TBCEL: variants seen among roughly 807,000 people sequenced by gnomAD.
TBCEL encodes the protein tubulin folding cofactor E like.
A neutral mutation model predicts 44.2 loss-of-function variants in TBCEL; 15 were observed. The ratio of observed to expected loss-of-function variants is 0.34; its 90% CI spans 0.23 to 0.52. The LOEUF is 0.52. Ranked by LOEUF, TBCEL falls within the 20% of genes least tolerant of loss-of-function variation. The pLI, the probability that TBCEL is intolerant of heterozygous loss-of-function variation, is 0.95. For synonymous variants in TBCEL, 171 were observed against 185.4 expected, an observed-to-expected ratio of 0.92 and a Z score of 0.63; for missense variants, 319 against 506.3, an observed-to-expected ratio of 0.63 and a Z score of 3.55.
intron 8 of TBCEL, among the ~76,000 whole-genome samples, chr11:121,065,546 C>G (rs1945804936): frequency 6.6e-6 from 1 of 152,150 alleles, no homozygotes; most frequent in Non-Finnish European, 1.5e-5. Flanking sequence ...AGCATCAAAC[C>G]CTGTGCATTT....
At chr11:121,085,727 C>T (rs1267421585) in intron 8 of TBCEL, among the ~76,000 whole-genome samples, 2 of 152,032 alleles carry the variant, frequency 1.3e-5, no homozygotes, top group Non-Finnish European at 2.9e-5. Flanking sequence ...ATGCTGGTCA[C>T]ACTCCTGGGC....
At chr11:121,047,271 A>T (rs1015208926) in intron 3 of TBCEL, among the ~76,000 whole-genome samples, 1 of 152,008 alleles carries the variant, frequency 6.6e-6, no homozygotes, top group African/African-American at 2.4e-5. Context: ...TGAGATAAAC[A>T]ATCCTGCTAT....
At chr11:121,047,166 T>C (rs1006722745) in intron 3 of TBCEL, among the ~76,000 whole-genome samples, 3 of 152,070 alleles carry the variant, frequency 2.0e-5, no homozygotes, top group Non-Finnish European at 4.4e-5. Flanking sequence ...AATTGAGGCC[T>C]ATAAGAAAGT....
At chr11:121,024,974 C>T (rs1180302309) in intron 1 of TBCEL, among the ~76,000 whole-genome samples, 1 of 152,126 alleles carries the variant, frequency 6.6e-6, no homozygotes, top group Non-Finnish European at 1.5e-5. Context: ...CTGTGTGGAG[C>T]TTCTCTGTTG....
At chr11:121,085,699 G>T (rs1360205948) in intron 8 of TBCEL, among the ~76,000 whole-genome samples, 1 of 151,894 alleles carries the variant, frequency 6.6e-6, no homozygotes, top group East Asian at 1.9e-4. Context: ...TAAGAGGTGA[G>T]GTCTTGCTAT....
At chr11:121,066,271 ATC>A (rs1355287653) in intron 8 of TBCEL, among the ~76,000 whole-genome samples, 1 of 152,170 alleles carries the variant, frequency 6.6e-6, no homozygotes, top group Non-Finnish European at 1.5e-5. Flanking sequence ...CTTGTGAATA[ATC>A]TCTGTTAGAC....
At chr11:121,078,903 C>CGA (rs1946077245) in intron 8 of TBCEL, among the ~76,000 whole-genome samples, 1 of 152,258 alleles carries the variant, frequency 6.6e-6, no homozygotes, top group South Asian at 2.1e-4. Flanking sequence ...AATTTTTACT[C>CGA]TATGTTTGGA....
intron 1 of TBCEL, among the ~76,000 whole-genome samples, chr11:121,028,616 A>T (rs1182775402): frequency 6.6e-6 from 1 of 152,224 alleles, no homozygotes; most frequent in Non-Finnish European, 1.5e-5. Flanking sequence ...TACATATAAA[A>T]CAACACAGTA....
At chr11:121,081,906 C>T (rs1946133253) in intron 8 of TBCEL, among the ~76,000 whole-genome samples, 1 of 152,172 alleles carries the variant, frequency 6.6e-6, no homozygotes, top group South Asian at 2.1e-4. Context: ...GAATATTTCT[C>T]AGAGCCCACA....
intron 8 of TBCEL, among the ~76,000 whole-genome samples, chr11:121,079,853 C>T (rs1946093491): frequency 6.6e-6 from 1 of 152,164 alleles, no homozygotes; most frequent in African/African-American, 2.4e-5. Context: ...CTCACTCTGT[C>T]ACCCAGGCTG....
chr11:121,024,879 T>A (rs1945018473), intron 1 of TBCEL, among the ~76,000 whole-genome samples: 1 of 152,104 alleles, frequency 6.6e-6, no homozygotes. Flanking sequence ...GAGAAAAGAT[T>A]TGCCCCAAGG....
intron 6 of TBCEL, among the ~76,000 whole-genome samples, chr11:121,055,626 T>C (rs185575989): frequency 2.6e-5 from 4 of 151,974 alleles, no homozygotes; most frequent in Admixed American, 2.6e-4. Context: ...AATTACAAAA[T>C]AGACCATTTT....
At chr11:121,045,895 G>T in intron 3 of TBCEL, 72 bp downstream of exon 3, 1 of 1,373,112 alleles carries the variant, frequency 7.3e-7, no homozygotes, top group Non-Finnish European at 9.6e-7. Context: ...GTGTTGCCTT[G>T]TTTGCAAATG....
chr11:121,028,638 A>G (rs1945087243), intron 1 of TBCEL, among the ~76,000 whole-genome samples: 1 of 152,250 alleles, frequency 6.6e-6, no homozygotes, highest in African/African-American at 2.4e-5. Flanking sequence ...ACAACACATA[A>G]TAAACTTACA....
At chr11:121,060,285 G>A (rs546760933) in intron 8 of TBCEL, among the ~76,000 whole-genome samples, 200 bp downstream of exon 8, 1 of 152,002 alleles carries the variant, frequency 6.6e-6, no homozygotes, top group East Asian at 1.9e-4. Flanking sequence ...CTTTGCACAT[G>A]TATTAACACA....
chr11:121,054,113 A>G (rs1041413973), intron 5 of TBCEL, among the ~76,000 whole-genome samples: 1 of 151,912 alleles, frequency 6.6e-6, no homozygotes, highest in Non-Finnish European at 1.5e-5. Flanking sequence ...TCAGATGATT[A>G]AGTGCCTAGC....
intron 8 of TBCEL, among the ~76,000 whole-genome samples, chr11:121,069,778 C>A (rs1372495001): frequency 6.6e-6 from 1 of 151,408 alleles, no homozygotes; most frequent in South Asian, 2.1e-4. Context: ...GGCGACAAAG[C>A]TAGACTGTCT....
chr11:121,063,735 C>T (rs1472182583), intron 8 of TBCEL, among the ~76,000 whole-genome samples: 2 of 151,970 alleles, frequency 1.3e-5, no homozygotes, highest in South Asian at 2.1e-4. Context: ...TTTTTTTCTT[C>T]GCTTGCACCT....
At chr11:121,038,961 T>G (rs1447836184) in intron 2 of TBCEL, among the ~76,000 whole-genome samples, 2 of 152,190 alleles carry the variant, frequency 1.3e-5, no homozygotes, top group Non-Finnish European at 1.5e-5. Context: ...GCCCAGTCCT[T>G]TACTGATTTT....
Sources: gnomAD v4.1 joint callset for allele counts (sites outside exome capture counted in the v4.1 genomes callset) on GRCh38, gnomAD v4.1.1 for gene constraint, MANE v1.5 for transcripts, NCBI Gene and HGNC (gene_info 2026-07-23, HGNC 2026-07-21) for gene names.